The following COL25A1 variants were observed in gnomAD, a reference collection of about 807,000 sequenced individuals.
COL25A1 encodes collagen alpha-1(XXV) chain.
In COL25A1, 103 loss-of-function variants were observed where a neutral mutation model predicts 128.4. The ratio of observed to expected loss-of-function variants is 0.80; its 90% CI spans 0.68 to 0.94. The LOEUF is 0.94. COL25A1 is among the 40% of genes least tolerant of loss of function. COL25A1 has a pLI of 0.00. For missense variants in COL25A1, 745 were observed against 840.0 expected (o/e 0.89, Z 1.40); for synonymous variants, 279 against 277.2 (o/e 1.01, Z -0.06).
At chr4:109,194,126 T>C (rs991709728) in intron 3 of COL25A1, among the ~76,000 whole-genome samples, 1 of 152,180 alleles carries the variant, frequency 6.6e-6, no homozygotes, top group Non-Finnish European at 1.5e-5. Context: ...AATGACAAGA[T>C]CTCAAATATT....
rs192442756 is a variant in COL25A1, at chr4:109,210,889, A to G, written c.367+89694T>C. 1.1e-4 allele frequency among the ~76,000 whole-genome samples: 17 copies of G among 152,238 alleles called. No homozygotes were observed. In the South Asian group the frequency reaches 3.3e-3, roughly 30 times the overall value. ...TTTGCAGCAACACGGATGGTGCTGG[A>G]GGCCATTATCCTAAGCGAGTTAACA... On this transcript the variant is annotated intron_variant, in intron 3 of 37. Transcript: ENST00000399132.
At chr4:109,172,434 T>C (rs938891309) in intron 3 of COL25A1, among the ~76,000 whole-genome samples, 1 of 152,174 alleles carries the variant, frequency 6.6e-6, no homozygotes, top group South Asian at 2.1e-4. Context: ...AGTTGGGACC[T>C]GAAGATGAAT....
intron 5 of COL25A1, among the ~76,000 whole-genome samples, chr4:109,021,553 T>C (rs915971026): frequency 4.7e-4 from 71 of 152,272 alleles, no homozygotes; most frequent in Non-Finnish European, 4.7e-4. Flanking sequence ...TTGAACAATA[T>C]GAAATCAGTG....
chr4:108,886,478 G>GTTTTTTT (rs1376745333), intron 18 of COL25A1, among the ~76,000 whole-genome samples: 3 of 125,388 alleles, frequency 2.4e-5, no homozygotes, highest in Admixed American at 8.8e-5. Context: ...GTGTGTGTGT[G>GTTTTTTT]TGTGTGTGTG....
chr4:109,103,790 G>A (rs2126026120), intron 3 of COL25A1, among the ~76,000 whole-genome samples: 1 of 152,230 alleles, frequency 6.6e-6, no homozygotes, highest in Admixed American at 6.5e-5. Context: ...AAAAGATGGT[G>A]CAATTTGATC....
At chr4:109,051,610 C>T (rs958760743) in intron 3 of COL25A1, among the ~76,000 whole-genome samples, 2 of 72,848 alleles carry the variant, frequency 2.7e-5, no homozygotes, top group Admixed American at 2.1e-4. Context: ...TCTGTTCAAA[C>T]ACACATACAT....
intron 6 of COL25A1, among the ~76,000 whole-genome samples, chr4:109,008,124 T>C (rs1724464): frequency 0.51 from 77,751 of 152,128 alleles, 22,623 homozygotes; most frequent in African/African-American, 0.78. Context: ...CCCACCACTA[T>C]CTGCTCCAAG....
chr4:109,091,669 T>TC (rs1337086386), intron 3 of COL25A1, among the ~76,000 whole-genome samples: 1 of 152,070 alleles, frequency 6.6e-6, no homozygotes, highest in African/African-American at 2.4e-5. Flanking sequence ...CCAAGACAGT[T>TC]CTTCCCTTTC....
chr4:109,077,472 G>A (rs1300604010), intron 3 of COL25A1, among the ~76,000 whole-genome samples: 1 of 147,400 alleles, frequency 6.8e-6, no homozygotes, highest in Non-Finnish European at 1.5e-5. Context: ...GAACAAAAGC[G>A]GCAACATTAT....
At position 109,056,205 on chromosome 4, in the gene COL25A1, C is replaced by A. The variant is rs189182401; in HGVS notation, c.368-6026G>T. On this transcript the variant is annotated intron_variant, in intron 3 of 37. Coordinates refer to ENST00000399132, the MANE Select transcript of COL25A1 (RefSeq NM_198721.4). ...TTTAACAATAGAAAAGATATACTAACAAATGTGTGAGGGACTATTTTCTTA... is the reference window on the plus strand; with the variant it reads ...TTTAACAATAGAAAAGATATACTAAAAAATGTGTGAGGGACTATTTTCTTA... Among the ~76,000 whole-genome samples the A allele has an allele frequency of 6.8e-3, 1,039 of 152,118 alleles. 36 individuals carry two copies. Among genetic ancestry groups the A allele is most frequent in the Admixed American group, 0.061 (926 of 15,276 alleles).
intron 6 of COL25A1, among the ~76,000 whole-genome samples, chr4:109,009,818 T>A (rs1393359988): frequency 6.6e-6 from 1 of 152,206 alleles, no homozygotes; most frequent in African/African-American, 2.4e-5. Context: ...ATTCCTCCCC[T>A]TCCTAAAATT....
chr4:108,954,488 A>G (rs1749825401), intron 8 of COL25A1, among the ~76,000 whole-genome samples: 1 of 152,040 alleles, frequency 6.6e-6, no homozygotes, highest in South Asian at 2.1e-4. Flanking sequence ...AGTCTTTTAT[A>G]CTTCCAAATC....
intron 3 of COL25A1, among the ~76,000 whole-genome samples, chr4:109,086,499 T>C (rs769531999): frequency 1.3e-5 from 2 of 152,230 alleles, no homozygotes; most frequent in Non-Finnish European, 2.9e-5. Flanking sequence ...GAGATATGTT[T>C]TGTGACGAGA....
In COL25A1 at chr4:108,868,927, AGAAG is replaced by A. The variant is rs1306867980; in HGVS notation, c.1083+157_1083+160del. On this transcript the variant is annotated intron_variant, in intron 20 of 37. Coordinates refer to ENST00000399132, the MANE Select transcript of COL25A1 (RefSeq NM_198721.4). Reference sequence around the variant, plus strand: ...AGAAAAAGAAAGAAAGAGAAAGAAAAGAAGGAAGGAAAGAAAGAAAAGAAAGAAA... The same window carrying A: ...AGAAAAAGAAAGAAAGAGAAAGAAAAGAAGGAAAGAAAGAAAAGAAAGAAA... Among the ~76,000 whole-genome samples, 5 of 150,976 alleles carry A rather than the reference AGAAG, an allele frequency of 3.3e-5. No homozygotes were observed. In the East Asian group the frequency reaches 7.8e-4, roughly 24 times the overall value.
intron 3 of COL25A1, among the ~76,000 whole-genome samples, chr4:109,229,506 A>G (rs950297289): frequency 3.9e-5 from 6 of 152,182 alleles, no homozygotes; most frequent in Non-Finnish European, 1.5e-5. Flanking sequence ...AACAAAGCCT[A>G]CCTCACACAC....
At chr4:109,097,916 C>T (rs1415653827) in intron 3 of COL25A1, among the ~76,000 whole-genome samples, 1 of 151,958 alleles carries the variant, frequency 6.6e-6, no homozygotes, top group Non-Finnish European at 1.5e-5. Context: ...CCTACCTCGG[C>T]CTCCCAAAGT....
intron 3 of COL25A1, among the ~76,000 whole-genome samples, chr4:109,065,545 C>CGCGCGCGCGCGTGTGT (rs771855567): frequency 2.1e-5 from 3 of 141,132 alleles, no homozygotes; most frequent in African/African-American, 8.0e-5. Context: ...CGCGCGCGCG[C>CGCGCGCGCGCGTGTGT]GTGTGTGTGT....
rs185940527 is a variant in COL25A1, at chr4:108,844,547, G to T, written c.1601C>A (p.Pro534Gln). ...GGGGCCAGGTGGGCCATGGGGACCTGGTGGGCCTGGTGGGCCTATGATCTG... is the reference window on the plus strand; with the variant it reads ...GGGGCCAGGTGGGCCATGGGGACCTTGTGGGCCTGGTGGGCCTATGATCTG... ...GPSIIGPPGP[P>Q]GPHGPPGPMG... Residue 534 changes from proline to glutamine, a missense_variant, in exon 30 of 38, where the codon CCA (proline) becomes CAA (glutamine). Pro to Gln is a moderately conservative substitution (Grantham distance 76). Around this residue, in one of 3 missense-constraint regions of COL25A1, gnomAD observed 387 missense variants for 441.9 expected, o/e 0.88. Coordinates refer to ENST00000399132, the MANE Select transcript of COL25A1 (RefSeq NM_198721.4). 35 of 1,613,398 alleles carry T rather than the reference G, an allele frequency of 2.2e-5. 1 individual carries two copies. The Admixed American group carries it at 5.3e-4, about 25-fold the overall frequency.
chr4:109,108,078 G>A (rs549940730), intron 3 of COL25A1, among the ~76,000 whole-genome samples: 21 of 152,108 alleles, frequency 1.4e-4, no homozygotes, highest in South Asian at 4.2e-4. Context: ...TGTGCACAAC[G>A]TGCAGGTTTG....
Sources: gnomAD v4.1 joint callset for allele counts (sites outside exome capture counted in the v4.1 genomes callset) on GRCh38, gnomAD v4.1.1 for gene constraint, gnomAD v4.1.1 regional missense constraint, MANE v1.5 for transcripts, NCBI Gene and HGNC (gene_info 2026-07-23, HGNC 2026-07-21) for gene names.